The following KIAA1328 variants were observed in gnomAD, a reference collection of about 807,000 sequenced individuals.
KIAA1328 encodes the protein KIAA1328, also known as protein hinderin.
KIAA1328 carries 52 observed loss-of-function variants against 68.1 expected under a neutral mutation model. The observed-to-expected ratio is 0.76, with a 90% CI of 0.61 to 0.96. KIAA1328 has a LOEUF of 0.96. Among genes scored for constraint, KIAA1328 ranks in the 40% least tolerant of loss-of-function variants. The pLI is 0.00. For missense variants in KIAA1328, 641 were observed against 677.6 expected, an observed-to-expected ratio of 0.95 and a Z score of 0.60; for synonymous variants, 232 against 239.4, an observed-to-expected ratio of 0.97 and a Z score of 0.28.
chr18:36,846,879 C>A (rs1006085907), intron 4 of KIAA1328, among the ~76,000 whole-genome samples: 4 of 151,362 alleles, frequency 2.6e-5, no homozygotes, highest in Non-Finnish European at 4.4e-5. Flanking sequence ...TACCATCCAT[C>A]TCCAGAACTT....
At chr18:37,053,157 G>A (rs541132606) in intron 6 of KIAA1328, among the ~76,000 whole-genome samples, 6 of 152,182 alleles carry the variant, frequency 3.9e-5, no homozygotes, top group African/African-American at 1.2e-4. Flanking sequence ...ACAGACCAAT[G>A]GAACAGAATC....
chr18:37,073,853 A>G (rs2056617215), intron 7 of KIAA1328, among the ~76,000 whole-genome samples: 1 of 152,156 alleles, frequency 6.6e-6, no homozygotes, highest in Non-Finnish European at 1.5e-5. Flanking sequence ...ACCAACGTTT[A>G]TGTGATCTTG....
downstream of KIAA1328, chr18:37,230,874 A>G (rs975576953): frequency 6.6e-6 from 1 of 152,164 alleles, no homozygotes; most frequent in East Asian, 1.9e-4. Flanking sequence ...CTTAAAATAC[A>G]CAAGTTCCCC....
intron 6 of KIAA1328, among the ~76,000 whole-genome samples, chr18:37,060,570 C>G (rs975499907): frequency 6.6e-6 from 1 of 152,098 alleles, no homozygotes. Context: ...ATAAACACTT[C>G]GGAAAACTTA....
intron 6 of KIAA1328, among the ~76,000 whole-genome samples, chr18:37,055,702 A>T (rs2055880872): frequency 6.6e-6 from 1 of 152,230 alleles, no homozygotes; most frequent in African/African-American, 2.4e-5. Context: ...CCCACACAGT[A>T]GTTTAGGTTT....
intron 6 of KIAA1328, among the ~76,000 whole-genome samples, chr18:36,992,200 G>C (rs1017733354): frequency 2.6e-5 from 4 of 152,140 alleles, no homozygotes; most frequent in African/African-American, 4.8e-5. Context: ...TCTTTGACCA[G>C]TTTATAGTTT....
chr18:37,155,360 C>T (rs2154210566), intron 7 of KIAA1328, among the ~76,000 whole-genome samples: 1 of 152,284 alleles, frequency 6.6e-6, no homozygotes, highest in African/African-American at 2.4e-5. Flanking sequence ...GTTCCATAAG[C>T]ATCTCAAGCT....
At chr18:37,194,826 A>C (rs1321941829) in intron 9 of KIAA1328, among the ~76,000 whole-genome samples, 1 of 152,002 alleles carries the variant, frequency 6.6e-6, no homozygotes, top group East Asian at 1.9e-4. Flanking sequence ...ACGCCCAGCT[A>C]ATTTTTGTAT....
intron 6 of KIAA1328, among the ~76,000 whole-genome samples, chr18:36,967,104 A>G (rs2051972190): frequency 6.6e-6 from 1 of 152,178 alleles, no homozygotes. Flanking sequence ...TCTTGTGACT[A>G]TGTTATGTTA....
At chr18:37,165,472 T>TG (rs1217038055) in intron 8 of KIAA1328, among the ~76,000 whole-genome samples, 1 of 151,854 alleles carries the variant, frequency 6.6e-6, no homozygotes, top group Admixed American at 6.6e-5. Flanking sequence ...CAGACTGGAG[T>TG]GCAATGGTGC....
At chr18:37,050,270 AGAT>A (rs1321391389) in intron 6 of KIAA1328, among the ~76,000 whole-genome samples, 1 of 152,150 alleles carries the variant, frequency 6.6e-6, no homozygotes, top group East Asian at 1.9e-4. Flanking sequence ...TACATCTTAT[AGAT>A]CATTTTTTTA....
chr18:37,109,987 T>C (rs1215441179), intron 7 of KIAA1328, among the ~76,000 whole-genome samples: 2 of 151,874 alleles, frequency 1.3e-5, no homozygotes, highest in Non-Finnish European at 2.9e-5. Context: ...GGTAGCATCT[T>C]AGATAGTGAA....
At chr18:37,103,425 C>A (rs578171445) in intron 7 of KIAA1328, among the ~76,000 whole-genome samples, 2 of 152,186 alleles carry the variant, frequency 1.3e-5, no homozygotes, top group East Asian at 3.9e-4. Context: ...TTTCAATAAA[C>A]CATTCTGAGA....
At chr18:37,064,852 C>A (rs1276616489) in intron 6 of KIAA1328, among the ~76,000 whole-genome samples, 1 of 152,136 alleles carries the variant, frequency 6.6e-6, no homozygotes, top group Non-Finnish European at 1.5e-5. Flanking sequence ...GAAGCTGATT[C>A]TGTCTTCAGA....
chr18:37,202,483 G>T (rs2060133696), intron 9 of KIAA1328, among the ~76,000 whole-genome samples: 1 of 152,114 alleles, frequency 6.6e-6, no homozygotes, highest in Non-Finnish European at 1.5e-5. Context: ...TCTTTTCCAT[G>T]AATTTCCTTG....
chr18:37,054,318 C>G lies in KIAA1328; in HGVS notation c.577-12572C>G, dbSNP rs1397358826. 2.6e-5 allele frequency among the ~76,000 whole-genome samples: 4 copies of G among 151,886 alleles called. No homozygotes were observed. In the East Asian group the frequency reaches 7.7e-4, roughly 29 times the overall value. ...AGCAGTCTCACTACTAGATATCTACCCAAAGGAAAAAAAATCATTTTATCA... is the reference window on the plus strand; with the variant it reads ...AGCAGTCTCACTACTAGATATCTACGCAAAGGAAAAAAAATCATTTTATCA... On this transcript the variant is annotated intron_variant, in intron 6 of 9. Transcript: ENST00000280020.
At chr18:37,220,973 C>T (rs1397886153) in intron 9 of KIAA1328, among the ~76,000 whole-genome samples, 2 of 152,126 alleles carry the variant, frequency 1.3e-5, no homozygotes, top group Admixed American at 6.5e-5. Flanking sequence ...GCTACAGGCA[C>T]ATGCCACCAT....
At chr18:37,215,558 T>C (rs960680932) in intron 9 of KIAA1328, among the ~76,000 whole-genome samples, 5 of 152,360 alleles carry the variant, frequency 3.3e-5, no homozygotes, top group African/African-American at 4.8e-5. Context: ...GCCAGTATTT[T>C]ATTGCAGATT....
chr18:36,975,081 G>T (rs2052406311), intron 6 of KIAA1328, among the ~76,000 whole-genome samples: 1 of 151,688 alleles, frequency 6.6e-6, no homozygotes, highest in African/African-American at 2.4e-5. Context: ...AGAGGATTGG[G>T]TTATCCTTTG....
Sources: allele counts gnomAD v4.1 joint callset (sites outside exome capture counted in the v4.1 genomes callset), GRCh38; gene constraint gnomAD v4.1.1; transcripts MANE v1.5; gene names NCBI Gene and HGNC (gene_info 2026-07-23, HGNC 2026-07-21).